Variants in CADM2 observed in about 807,000 individuals in gnomAD.
The protein encoded by CADM2 is cell adhesion molecule 2, also known as immunoglobulin superfamily member 4D.
CADM2 carries 12 observed loss-of-function variants against 49.8 expected under a neutral mutation model. The observed-to-expected ratio is 0.24, with a 90% CI of 0.15 to 0.39. The LOEUF is 0.39. CADM2 is among the 10% of genes least tolerant of loss of function. The pLI is 1.00. For synonymous variants in CADM2, 214 were observed against 175.4 expected (o/e 1.22, Z -1.74); for missense variants, 378 against 492.3 (o/e 0.77, Z 2.20).
chr3:85,800,737 C>T (rs891577593), intron 2 of CADM2: 4 of 152,356 alleles, frequency 2.6e-5, no homozygotes, highest in African/African-American at 9.7e-5. Context: ...TGGGCTGCAC[C>T]CACTGTCTAA....
chr3:85,032,370 G>A (rs1414377028), intron 1 of CADM2, among the ~76,000 whole-genome samples: 1 of 152,098 alleles, frequency 6.6e-6, no homozygotes, highest in Non-Finnish European at 1.5e-5. Flanking sequence ...CTTCAATGCT[G>A]TTATTGCAAA....
chr3:85,975,187 A>G lies in CADM2; in HGVS notation c.970+13540A>G, dbSNP rs149963991. Among the ~76,000 whole-genome samples, 35 of 151,540 alleles carry G rather than the reference A, an allele frequency of 2.3e-4. No homozygotes were observed. The East Asian group carries it at 6.4e-3, about 28-fold the overall frequency. On this transcript the variant is annotated intron_variant, in intron 8 of 9. Transcript: ENST00000383699. ...ATATCCTATCTAAAACCATCAATTT[A>G]TTTTAGTGAGTATTATTTATTTTAA...
intron 1 of CADM2, among the ~76,000 whole-genome samples, chr3:85,017,844 TG>T (rs1199200605): frequency 6.6e-6 from 1 of 152,220 alleles, no homozygotes; most frequent in African/African-American, 2.4e-5. Context: ...GATTTTATTT[TG>T]TTACTATGAC....
Position 85,272,366 on chromosome 3 carries a change from G to T in CADM2, c.61+312698G>T, listed in dbSNP as rs183375724. On this transcript the variant is annotated intron_variant, in intron 1 of 9. Coordinates refer to ENST00000383699, the MANE Select transcript of CADM2 (RefSeq NM_001167675.2). ...TGTACCACATTTTCTTGATGAAAAA[G>T]AAGTATGTTATTATATGCCATTTTA... Among the ~76,000 whole-genome samples the T allele has an allele frequency of 5.4e-3, 811 of 151,104 alleles. 7 individuals carry two copies. The highest frequency in any genetic ancestry group is 0.017 in the Middle Eastern group (5 of 294).
intron 2 of CADM2, among the ~76,000 whole-genome samples, chr3:85,747,761 T>C (rs1357310269): frequency 6.6e-6 from 1 of 152,084 alleles, no homozygotes; most frequent in Non-Finnish European, 1.5e-5. Flanking sequence ...ATTAGTTTCA[T>C]AAATAACCAC....
chr3:86,061,370 A>C (rs1738626491), intron 8 of CADM2, among the ~76,000 whole-genome samples: 1 of 152,120 alleles, frequency 6.6e-6, no homozygotes, highest in Non-Finnish European at 1.5e-5. Context: ...ATAGACTAGA[A>C]TGTGCAGAAA....
At chr3:85,004,939 G>A (rs965217464) in intron 1 of CADM2, among the ~76,000 whole-genome samples, 5 of 152,140 alleles carry the variant, frequency 3.3e-5, no homozygotes, top group Non-Finnish European at 7.4e-5. Context: ...AGAATGTGAT[G>A]GCTCGGCACA....
At chr3:86,025,034 A>G (rs1341926103) in intron 8 of CADM2, among the ~76,000 whole-genome samples, 9 of 148,598 alleles carry the variant, frequency 6.1e-5, no homozygotes, top group Admixed American at 5.4e-4. Flanking sequence ...ATGCACCACT[A>G]TGCCTGACTA....
intron 8 of CADM2, among the ~76,000 whole-genome samples, chr3:85,982,921 T>C (rs997772999): frequency 5.3e-5 from 8 of 151,736 alleles, no homozygotes; most frequent in Non-Finnish European, 1.5e-5. Flanking sequence ...TTCAATAATT[T>C]GAAATCAACT....
At chr3:85,456,432 A>T (rs1164616977) in intron 1 of CADM2, among the ~76,000 whole-genome samples, 1 of 152,192 alleles carries the variant, frequency 6.6e-6, no homozygotes, top group Non-Finnish European at 1.5e-5. Flanking sequence ...TACAAAGAAT[A>T]TTCATGATTT....
chr3:85,620,369 C>G (rs373821623), intron 1 of CADM2, among the ~76,000 whole-genome samples: 1 of 151,972 alleles, frequency 6.6e-6, no homozygotes, highest in Non-Finnish European at 1.5e-5. Context: ...CCAATAAACA[C>G]ACATACACAC....
chr3:85,834,649 G>A (rs1055465258), intron 3 of CADM2, among the ~76,000 whole-genome samples: 7 of 151,492 alleles, frequency 4.6e-5, no homozygotes, highest in African/African-American at 1.4e-4. Context: ...TTTGTGCAAA[G>A]GAATCTGTTG....
At chr3:85,848,744 T>C (rs942711342) in intron 3 of CADM2, among the ~76,000 whole-genome samples, 1 of 152,222 alleles carries the variant, frequency 6.6e-6, no homozygotes, top group Non-Finnish European at 1.5e-5. Flanking sequence ...AAGAAACGCA[T>C]ACAACAGAAT....
At chr3:85,954,784 A>G (rs1339158754) in intron 7 of CADM2, among the ~76,000 whole-genome samples, 1 of 151,258 alleles carries the variant, frequency 6.6e-6, no homozygotes, top group African/African-American at 2.4e-5. Context: ...CTCTAAAAAT[A>G]TGATAACATA....
chr3:86,014,653 C>G, intron 8 of CADM2: 2 of 1,568,958 alleles, frequency 1.3e-6, no homozygotes, highest in South Asian at 1.2e-5. Context: ...AAATGCTTAT[C>G]TCTGGTACCC....
chr3:85,833,347 T>C (rs2074263920), intron 3 of CADM2, among the ~76,000 whole-genome samples: 1 of 151,752 alleles, frequency 6.6e-6, no homozygotes, highest in Admixed American at 6.6e-5. Context: ...GCTGGCTTCA[T>C]AGAATGAGTT....
chr3:85,199,111 G>T (rs1407513401), intron 1 of CADM2, among the ~76,000 whole-genome samples: 1 of 151,738 alleles, frequency 6.6e-6, no homozygotes, highest in African/African-American at 2.4e-5. Flanking sequence ...GATTCATGTT[G>T]TCTTACATTT....
intron 3 of CADM2, among the ~76,000 whole-genome samples, chr3:85,821,593 C>G (rs2073571303): frequency 6.6e-6 from 1 of 152,082 alleles, no homozygotes; most frequent in Non-Finnish European, 1.5e-5. Flanking sequence ...AGGGTATACA[C>G]TCTGTATACA....
chr3:85,075,216 C>G (rs2036898790), intron 1 of CADM2, among the ~76,000 whole-genome samples: 1 of 151,196 alleles, frequency 6.6e-6, no homozygotes, highest in Admixed American at 6.6e-5. Context: ...CAGGCCTAAG[C>G]AGTTTTTTTG....
Sources: allele counts gnomAD v4.1 joint callset (sites outside exome capture counted in the v4.1 genomes callset), GRCh38; gene constraint gnomAD v4.1.1; transcripts MANE v1.5; gene names NCBI Gene and HGNC (gene_info 2026-07-23, HGNC 2026-07-21).